The following SLC25A12 variants were observed in gnomAD, a reference collection of about 807,000 sequenced individuals.
SLC25A12 encodes the protein electrogenic aspartate/glutamate antiporter SLC25A12, mitochondrial.
Under a neutral mutation model 83.3 loss-of-function variants are expected in SLC25A12, and 32 were observed. That is an observed-to-expected ratio of 0.38 (90% CI 0.29 to 0.52). The LOEUF is 0.52. SLC25A12 is among the 20% of genes least tolerant of loss of function. SLC25A12 has a pLI of 0.84. For synonymous variants in SLC25A12, 267 were observed against 291.1 expected (o/e 0.92, Z 0.84); for missense variants, 611 against 835.6 (o/e 0.73, Z 3.31).
chr2:171,810,109 C>A, intron 12 of SLC25A12, 115 bp downstream of exon 12: 1 of 871,120 alleles, frequency 1.1e-6, no homozygotes. Context: ...GATCCTCCCA[C>A]CACCCAAAAT....
chr2:171,794,380 G>A (rs1046725746), intron 13 of SLC25A12, among the ~76,000 whole-genome samples: 13 of 152,046 alleles, frequency 8.6e-5, no homozygotes, highest in African/African-American at 2.9e-4. Flanking sequence ...CCACACAAAA[G>A]GGAAGAATTT....
At chr2:171,787,714 A>C in intron 16 of SLC25A12, 53 bp from the exon 17 acceptor site, 1 of 1,608,450 alleles carries the variant, frequency 6.2e-7, no homozygotes, top group Middle Eastern at 1.7e-4. Flanking sequence ...CAAATGTGGT[A>C]AAGATAGCCA....
chr2:171,798,293 T>C (rs1349012603), intron 13 of SLC25A12, among the ~76,000 whole-genome samples: 1 of 152,198 alleles, frequency 6.6e-6, no homozygotes. Context: ...GCCGAGGGGC[T>C]GTATACAGGA....
At chr2:171,842,196 T>C (rs1191705984) in intron 5 of SLC25A12, among the ~76,000 whole-genome samples, 1 of 151,788 alleles carries the variant, frequency 6.6e-6, no homozygotes, top group Non-Finnish European at 1.5e-5. Flanking sequence ...AATGGAATAG[T>C]ATTCAGCCAC....
chr2:171,871,760 T>C (rs1685462080), intron 2 of SLC25A12: 1 of 984,188 alleles, frequency 1.0e-6, no homozygotes, highest in Non-Finnish European at 1.2e-6. Context: ...ACTTTTAGTA[T>C]TGTTCCATGG....
At chr2:171,828,096 T>C (rs1051571785) in intron 8 of SLC25A12, among the ~76,000 whole-genome samples, 5 of 152,142 alleles carry the variant, frequency 3.3e-5, no homozygotes, top group Non-Finnish European at 7.3e-5. Context: ...CATTGCCTGG[T>C]TTGGGTGAGG....
chr2:171,885,671 C>CAATAAATAAATA (rs67489934), intron 2 of SLC25A12, among the ~76,000 whole-genome samples: 3 of 149,366 alleles, frequency 2.0e-5, no homozygotes, highest in Admixed American at 6.7e-5. Flanking sequence ...AACTCTGTCT[C>CAATAAATAAATA]AATAAATAAA....
At chr2:171,839,057 A>G (rs1394113352) in intron 5 of SLC25A12, among the ~76,000 whole-genome samples, 1 of 152,254 alleles carries the variant, frequency 6.6e-6, no homozygotes, top group African/African-American at 2.4e-5. Context: ...ACATCAGGGT[A>G]CAATAGATAT....
rs1300226209 is a variant in SLC25A12, at chr2:171,823,699, T to C, written c.930+3099A>G. On this transcript the variant is annotated intron_variant, in intron 9 of 17. Transcript: ENST00000422440. ...GCTGAGTGCAGTGGCTCACACACAC[T>C]GTAATCCCAGCACTTTGGGAGGCCA... 4.6e-5 allele frequency among the ~76,000 whole-genome samples: 7 copies of C among 152,310 alleles called. No individual in the cohort carries two copies. The East Asian group carries it at 1.4e-3, about 29-fold the overall frequency.
chr2:171,807,245 A>G (rs565910748), intron 13 of SLC25A12, among the ~76,000 whole-genome samples: 13 of 152,240 alleles, frequency 8.5e-5, no homozygotes, highest in African/African-American at 3.1e-4. Flanking sequence ...CAACCTGACT[A>G]TTTTTCATGC....
chr2:171,864,153 A>G (rs778735612), intron 3 of SLC25A12, among the ~76,000 whole-genome samples: 1 of 152,202 alleles, frequency 6.6e-6, no homozygotes, highest in African/African-American at 2.4e-5. Context: ...ATCTGTTTAC[A>G]TCTGTGGTAA....
chr2:171,789,256 T>C (rs1690546934), intron 15 of SLC25A12, among the ~76,000 whole-genome samples: 1 of 151,820 alleles, frequency 6.6e-6, no homozygotes, highest in Non-Finnish European at 1.5e-5. Flanking sequence ...TTTGAGACAG[T>C]CTCACTCTGT....
chr2:171,890,347 A>T (rs932135654), intron 2 of SLC25A12, among the ~76,000 whole-genome samples: 8 of 152,250 alleles, frequency 5.3e-5, no homozygotes, highest in Non-Finnish European at 1.0e-4. Flanking sequence ...CTGTTTCATA[A>T]AACTGTTTCT....
intron 11 of SLC25A12, among the ~76,000 whole-genome samples, chr2:171,812,504 G>A (rs1028801153): frequency 2.6e-5 from 4 of 151,988 alleles, no homozygotes; most frequent in Non-Finnish European, 5.9e-5. Flanking sequence ...CCCAAGTGGC[G>A]CCCAAAGAGA....
chr2:171,845,549 T>C (rs1362194105), intron 4 of SLC25A12, among the ~76,000 whole-genome samples: 1 of 152,210 alleles, frequency 6.6e-6, no homozygotes, highest in Non-Finnish European at 1.5e-5. Context: ...TTTAAAGTTT[T>C]ATAATCTCCA....
At chr2:171,834,166 A>G in intron 7 of SLC25A12, 110 bp from the exon 8 acceptor site, 2 of 683,102 alleles carry the variant, frequency 2.9e-6, no homozygotes, top group Admixed American at 2.5e-5. Flanking sequence ...TTTTAGTATC[A>G]TTTTTAAAAT....
At chr2:171,872,527 T>C (rs186541458) in intron 2 of SLC25A12, among the ~76,000 whole-genome samples, 43 of 152,122 alleles carry the variant, frequency 2.8e-4, no homozygotes. Flanking sequence ...TACAAGGAAG[T>C]CTAAAAACAG....
chr2:171,866,471 C>T (rs1398853731), intron 3 of SLC25A12, among the ~76,000 whole-genome samples: 2 of 142,052 alleles, frequency 1.4e-5, no homozygotes, highest in East Asian at 4.4e-4. Context: ...GCTGACCCCC[C>T]ACCTCCCTCC....
chr2:171,833,236 G>A (rs1684482059), intron 8 of SLC25A12, among the ~76,000 whole-genome samples: 1 of 152,154 alleles, frequency 6.6e-6, no homozygotes, highest in African/African-American at 2.4e-5. Flanking sequence ...CCAATAGGTA[G>A]GGACTGTGCC....
Sources: allele counts gnomAD v4.1 joint callset (sites outside exome capture counted in the v4.1 genomes callset), GRCh38; gene constraint gnomAD v4.1.1; transcripts MANE v1.5; gene names NCBI Gene and HGNC (gene_info 2026-07-23, HGNC 2026-07-21).